The following SLC1A3 variants were observed in gnomAD, a reference collection of about 807,000 sequenced individuals.
SLC1A3 encodes excitatory amino acid transporter 1.
A neutral mutation model predicts 48.1 loss-of-function variants in SLC1A3; 21 were observed. The ratio of observed to expected loss-of-function variants is 0.44; its 90% CI spans 0.31 to 0.63. The LOEUF (loss-of-function observed/expected upper bound fraction) is 0.63, where lower values mean the gene tolerates loss of function less well. Among genes scored for constraint, SLC1A3 ranks in the 20% least tolerant of loss-of-function variants. SLC1A3 has a pLI of 0.08. For synonymous variants in SLC1A3, 239 were observed against 251.4 expected (o/e 0.95, Z 0.47); for missense variants, 546 against 689.0 (o/e 0.79, Z 2.32).
intron 5 of SLC1A3, among the ~76,000 whole-genome samples, chr5:36,676,259 G>A (rs907448040): frequency 3.3e-5 from 5 of 152,194 alleles, no homozygotes; most frequent in African/African-American, 4.8e-5. Context: ...CTCTAAACAG[G>A]TCTAATCCCT....
chr5:36,632,025 A>G (rs1450002091), intron 3 of SLC1A3, among the ~76,000 whole-genome samples: 1 of 152,268 alleles, frequency 6.6e-6, no homozygotes, highest in Non-Finnish European at 1.5e-5. Context: ...CATGTACATG[A>G]AGCTGCCCTT....
At chr5:36,644,158 T>TA (rs1561261178) in intron 3 of SLC1A3, among the ~76,000 whole-genome samples, 1 of 141,648 alleles carries the variant, frequency 7.1e-6, no homozygotes, top group South Asian at 2.6e-4. Flanking sequence ...AGCAAAGAGA[T>TA]ATAATAGCCA....
chr5:36,609,754 C>T (rs1455991987), intron 2 of SLC1A3, among the ~76,000 whole-genome samples: 1 of 152,136 alleles, frequency 6.6e-6, no homozygotes, highest in Non-Finnish European at 1.5e-5. Flanking sequence ...TCAAAGAGAA[C>T]ATGTCCTAAC....
chr5:36,680,675 T>C, intron 8 of SLC1A3, 86 bp downstream of exon 8: 1 of 1,174,190 alleles, frequency 8.5e-7, no homozygotes, highest in African/African-American at 1.5e-5. Context: ...CCTAACACTT[T>C]GGGAGGCCAA....
In SLC1A3 at chr5:36,687,874, T is replaced by A. The variant is rs182194574; in HGVS notation, c.*1605T>A. The A allele has an allele frequency of 2.6e-4, 39 of 152,756 alleles. No homozygotes were observed. Among genetic ancestry groups the A allele is most frequent in the African/African-American group, 9.1e-4 (38 of 41,572 alleles). The allele number at this position is 152,756 out of a possible 1,614,324, so 9.5% of individuals were successfully genotyped here. A position where few individuals can be genotyped will look rare whatever the true frequency, so the allele number is the denominator to read the frequency against. On this transcript the variant is annotated 3_prime_UTR_variant, in exon 10 of 10. Transcript: ENST00000265113. ...AGTCAAAGACGCTGAGTGGGAGCTG[T>A]CAGGCAGTAGCAGCTGTGTTTGAGT...
intron 3 of SLC1A3, among the ~76,000 whole-genome samples, chr5:36,665,730 G>A (rs1457117198): frequency 6.6e-6 from 1 of 152,130 alleles, no homozygotes; most frequent in Non-Finnish European, 1.5e-5. Flanking sequence ...ACTGAGGCTT[G>A]GAGAAGCCAC....
At chr5:36,661,603 G>T (rs34433201) in intron 3 of SLC1A3, among the ~76,000 whole-genome samples, 2 of 152,242 alleles carry the variant, frequency 1.3e-5, no homozygotes, top group African/African-American at 4.8e-5. Context: ...GGGCACAGGT[G>T]CATGTGGCTC....
At chr5:36,629,680 G>A (rs1462633725) in intron 3 of SLC1A3, 93 bp downstream of exon 3, 1 of 1,086,816 alleles carries the variant, frequency 9.2e-7, no homozygotes, top group African/African-American at 1.6e-5. Context: ...GGTTTCTGCT[G>A]GATGCATGCT....
chr5:36,628,153 G>A (rs889507635), intron 2 of SLC1A3, among the ~76,000 whole-genome samples: 4 of 152,142 alleles, frequency 2.6e-5, no homozygotes, highest in African/African-American at 4.8e-5. Context: ...TTTACCTGAA[G>A]GCCCTGAGAG....
chr5:36,640,850 A>C (rs10941307), intron 3 of SLC1A3, among the ~76,000 whole-genome samples: 35,951 of 151,572 alleles, frequency 0.24, 4,839 homozygotes, highest in East Asian at 0.31. Context: ...TGCCACCCCC[A>C]CCTACACCCA....
intron 8 of SLC1A3, among the ~76,000 whole-genome samples, chr5:36,682,035 T>A (rs1318181860): frequency 6.6e-6 from 1 of 152,258 alleles, no homozygotes; most frequent in East Asian, 1.9e-4. Context: ...ACATTTCACC[T>A]GTACAAAATT....
At chr5:36,610,314 T>A (rs13179272) in intron 2 of SLC1A3, among the ~76,000 whole-genome samples, 37,916 of 152,172 alleles carry the variant, frequency 0.25, 5,885 homozygotes, top group Non-Finnish European at 0.36. Context: ...TTTAACTGCA[T>A]GATTTACCCG....
At chr5:36,665,779 C>T (rs555078853) in intron 3 of SLC1A3, among the ~76,000 whole-genome samples, 2 of 152,262 alleles carry the variant, frequency 1.3e-5, no homozygotes, top group South Asian at 2.1e-4. Flanking sequence ...GGTATTCTAA[C>T]GTCAGAGTCT....
chr5:36,647,493 T>C (rs1245914551), intron 3 of SLC1A3, among the ~76,000 whole-genome samples: 1 of 152,224 alleles, frequency 6.6e-6, no homozygotes, highest in Non-Finnish European at 1.5e-5. Flanking sequence ...AAGAAGAATA[T>C]TTCCTTTGGC....
At chr5:36,632,396 C>A (rs1334244773) in intron 3 of SLC1A3, among the ~76,000 whole-genome samples, 1 of 152,220 alleles carries the variant, frequency 6.6e-6, no homozygotes, top group Non-Finnish European at 1.5e-5. Context: ...AGAATCCAAT[C>A]ATTGGCAGTC....
At chr5:36,625,393 G>T (rs1739862386) in intron 2 of SLC1A3, among the ~76,000 whole-genome samples, 2 of 152,174 alleles carry the variant, frequency 1.3e-5, no homozygotes, top group African/African-American at 4.8e-5. Context: ...GGAGGCGGAG[G>T]TTGCAGTGAG....
At chr5:36,643,863 A>G (rs1401171207) in intron 3 of SLC1A3, among the ~76,000 whole-genome samples, 1 of 152,032 alleles carries the variant, frequency 6.6e-6, no homozygotes, top group African/African-American at 2.4e-5. Flanking sequence ...GCGTGGTGGC[A>G]TGAGCCTGTA....
intron 2 of SLC1A3, among the ~76,000 whole-genome samples, chr5:36,627,597 G>A (rs1013329921): frequency 3.9e-5 from 6 of 152,186 alleles, no homozygotes; most frequent in Admixed American, 2.0e-4. Context: ...CAACAATAGA[G>A]TGAGGACAAA....
At chr5:36,602,877 C>T (rs1282854066), upstream of SLC1A3, among the ~76,000 whole-genome samples, 2 of 152,202 alleles carry the variant, frequency 1.3e-5, no homozygotes. Context: ...GTGAGCAGGA[C>T]AAGTGGGCTG....
Sources: allele counts gnomAD v4.1 joint callset (sites outside exome capture counted in the v4.1 genomes callset), GRCh38; gene constraint gnomAD v4.1.1; transcripts MANE v1.5; gene names NCBI Gene and HGNC (gene_info 2026-07-23, HGNC 2026-07-21).